The following ATP2C1 variants were observed in gnomAD, a reference collection of about 807,000 sequenced individuals.
The protein encoded by ATP2C1 is calcium-transporting ATPase type 2C member 1.
ATP2C1 carries 31 observed loss-of-function variants against 120.5 expected under a neutral mutation model. The observed-to-expected ratio is 0.26, with a 90% CI of 0.19 to 0.35. ATP2C1 has a LOEUF of 0.35. ATP2C1 is among the 10% of genes least tolerant of loss of function. The probability of loss-of-function intolerance (pLI) is 1.00; values close to 1 mark genes in which losing one functional copy is unlikely to be tolerated. For missense variants in ATP2C1, 731 were observed against 1,107.5 expected (o/e 0.66, Z 4.83); for synonymous variants, 351 against 358.7 (o/e 0.98, Z 0.24).
exon 1 of ATP2C1, chr3:130,850,630 C>T (rs1395880207): frequency 2.4e-5 from 10 of 417,774 alleles, no homozygotes; most frequent in Non-Finnish European, 4.3e-5. Flanking sequence ...AGTGTTCATA[C>T]TTGGCTGTCT....
At chr3:130,916,401 A>G (rs1461432042) in intron 2 of ATP2C1, among the ~76,000 whole-genome samples, 3 of 152,016 alleles carry the variant, frequency 2.0e-5, no homozygotes, top group African/African-American at 7.2e-5. Flanking sequence ...GGGCAACAGA[A>G]CAAGACTCCA....
At chr3:130,887,328 G>C (rs1304997341) in intron 1 of ATP2C1, among the ~76,000 whole-genome samples, 2 of 152,120 alleles carry the variant, frequency 1.3e-5, no homozygotes, top group Non-Finnish European at 2.9e-5. Flanking sequence ...ACCACTACCT[G>C]GGTACCACCC....
At chr3:130,926,423 T>A (rs993132129) in intron 2 of ATP2C1, among the ~76,000 whole-genome samples, 4 of 152,232 alleles carry the variant, frequency 2.6e-5, no homozygotes, top group African/African-American at 9.6e-5. Flanking sequence ...GTACTTGAAC[T>A]GGAAAGCCTA....
intron 2 of ATP2C1, among the ~76,000 whole-genome samples, chr3:130,912,760 C>T (rs2058492840): frequency 6.7e-6 from 1 of 149,562 alleles, no homozygotes; most frequent in Non-Finnish European, 1.5e-5. Context: ...TGGGTATATA[C>T]CCAAATGACT....
chr3:130,909,494 A>C (rs2058291177), intron 2 of ATP2C1, among the ~76,000 whole-genome samples: 1 of 152,156 alleles, frequency 6.6e-6, no homozygotes. Flanking sequence ...GAATATTCCT[A>C]ATTCCTTCCA....
At chr3:130,950,406 T>G (rs748984534) in intron 8 of ATP2C1, among the ~76,000 whole-genome samples, 1 of 152,096 alleles carries the variant, frequency 6.6e-6, no homozygotes, top group East Asian at 1.9e-4. Context: ...TTATCCTACC[T>G]TTCCCTCTCT....
rs553762424 is a variant in ATP2C1 at position 130,938,387 on chromosome 3, C to T, written c.360+924C>T. On this transcript the variant is annotated intron_variant, in intron 6 of 27. Coordinates refer to ENST00000510168, the MANE Select transcript of ATP2C1 (RefSeq NM_001378687.1). ...AATATTGTTGCATAAGCCTGAAGTTCGTGCTGTTTTGAATCTGAAGCCTAT... is the reference window on the plus strand; with the variant it reads ...AATATTGTTGCATAAGCCTGAAGTTTGTGCTGTTTTGAATCTGAAGCCTAT... 3.3e-5 allele frequency among the ~76,000 whole-genome samples: 5 copies of T among 152,294 alleles called. No individual in the cohort carries two copies. In the South Asian group the frequency reaches 8.3e-4, roughly 25 times the overall value.
At chr3:130,873,926 A>G (rs1010875210) in intron 1 of ATP2C1, among the ~76,000 whole-genome samples, 1 of 152,106 alleles carries the variant, frequency 6.6e-6, no homozygotes, top group African/African-American at 2.4e-5. Context: ...CCTGACCAAC[A>G]TGGTGAAACC....
intron 2 of ATP2C1, among the ~76,000 whole-genome samples, chr3:130,911,177 G>T: frequency 3.8e-5 from 5 of 132,736 alleles, no homozygotes; most frequent in African/African-American, 1.1e-4. Context: ...TTAGTCTTGG[G>T]AGCGTGTATG....
intron 2 of ATP2C1, among the ~76,000 whole-genome samples, chr3:130,917,197 A>T (rs1202304388): frequency 6.6e-6 from 1 of 152,210 alleles, no homozygotes; most frequent in African/African-American, 2.4e-5. Context: ...AGTGTGTTTA[A>T]AATAGGCTAT....
intron 1 of ATP2C1, among the ~76,000 whole-genome samples, chr3:130,866,681 ATT>A (rs1162976898): frequency 6.6e-6 from 1 of 152,200 alleles, no homozygotes; most frequent in African/African-American, 2.4e-5. Context: ...TTTCTTTATG[ATT>A]TTAATACTCT....
chr3:130,932,903 C>T (rs1322841418), intron 4 of ATP2C1, among the ~76,000 whole-genome samples: 3 of 152,096 alleles, frequency 2.0e-5, no homozygotes, highest in African/African-American at 7.2e-5. Flanking sequence ...CTTAATTTTG[C>T]GAATGAGTTT....
At chr3:130,981,164 A>C (rs759598148) in intron 20 of ATP2C1, among the ~76,000 whole-genome samples, 15 of 152,140 alleles carry the variant, frequency 9.9e-5, no homozygotes, top group Non-Finnish European at 2.1e-4. Flanking sequence ...CAGTTCCATC[A>C]TCCCCCCAGA....
At chr3:130,911,580 G>A (rs1376993364) in intron 2 of ATP2C1, among the ~76,000 whole-genome samples, 6 of 151,680 alleles carry the variant, frequency 4.0e-5, no homozygotes, top group Non-Finnish European at 7.4e-5. Flanking sequence ...TTCTCTTGTG[G>A]GCATTTAGTG....
chr3:130,854,554 G>T (rs933289191), intron 1 of ATP2C1, among the ~76,000 whole-genome samples: 3 of 152,206 alleles, frequency 2.0e-5, no homozygotes, highest in African/African-American at 7.2e-5. Context: ...CTGATCTGTG[G>T]CTCAGGTGAT....
Position 130,941,847 on chromosome 3 carries a change from T to C in ATP2C1, c.531+148T>C, listed in dbSNP as rs1419432350. On this transcript the variant is annotated intron_variant, in intron 8 of 27. Coordinates refer to ENST00000510168, the MANE Select transcript of ATP2C1 (RefSeq NM_001378687.1). ...TGTGACATATATAAACTTTTTTTTT[T>C]CCTTAAAATGTATCTGTCTCTACTG... The C allele has an allele frequency of 3.1e-5, 22 of 703,860 alleles. 1 individual carries two copies. The highest frequency in any genetic ancestry group is 2.9e-4 in the South Asian group (17 of 57,900). The allele number at this position is 703,860 out of a possible 1,614,324, so 43.6% of individuals were successfully genotyped here. A position where few individuals can be genotyped will look rare whatever the true frequency, so the allele number is the denominator to read the frequency against.
intron 2 of ATP2C1, among the ~76,000 whole-genome samples, chr3:130,921,817 T>G (rs2058979779): frequency 6.6e-6 from 1 of 152,216 alleles, no homozygotes; most frequent in South Asian, 2.1e-4. Context: ...TGAAACCCAC[T>G]TGATCATGGT....
chr3:130,951,796 A>G (rs1329417018), intron 8 of ATP2C1, among the ~76,000 whole-genome samples: 1 of 152,204 alleles, frequency 6.6e-6, no homozygotes, highest in Non-Finnish European at 1.5e-5. Flanking sequence ...TGTATTTTAA[A>G]GAATAATTTT....
At chr3:130,918,297 T>C in intron 2 of ATP2C1, 1 of 1,557,076 alleles carries the variant, frequency 6.4e-7, no homozygotes, top group Non-Finnish European at 8.8e-7. Context: ...TAGCACCCTT[T>C]ACAATAGATT....
Sources: allele counts gnomAD v4.1 joint callset (sites outside exome capture counted in the v4.1 genomes callset), GRCh38; gene constraint gnomAD v4.1.1; transcripts MANE v1.5; gene names NCBI Gene and HGNC (gene_info 2026-07-23, HGNC 2026-07-21).